The following KLHL1 variants were observed in gnomAD, a reference collection of about 807,000 sequenced individuals.
KLHL1 encodes the protein kelch like family member 1, also known as kelch-like protein 1.
Under a neutral mutation model 77.7 loss-of-function variants are expected in KLHL1, and 47 were observed. The observed-to-expected ratio is 0.60, with a 90% CI of 0.48 to 0.77. KLHL1 has a LOEUF of 0.77. KLHL1 is among the 30% of genes least tolerant of loss of function. The pLI, the probability that KLHL1 is intolerant of heterozygous loss-of-function variation, is 0.00. For missense variants in KLHL1, 925 were observed against 910.8 expected (o/e 1.02, Z -0.20); for synonymous variants, 360 against 325.2 (o/e 1.11, Z -1.15).
At chr13:69,861,954 A>C (rs1463211270) in intron 5 of KLHL1, among the ~76,000 whole-genome samples, 1 of 147,504 alleles carries the variant, frequency 6.8e-6, no homozygotes, top group African/African-American at 2.5e-5. Context: ...AACAAGAGCG[A>C]AACTCCGTCT....
At chr13:69,807,005 C>T (rs1336065865) in intron 6 of KLHL1, among the ~76,000 whole-genome samples, 1 of 152,176 alleles carries the variant, frequency 6.6e-6, no homozygotes, top group Admixed American at 6.5e-5. Flanking sequence ...GGTGCTCTGA[C>T]CCTGTCTAGT....
chr13:69,808,854 G>T (rs1417826719), intron 6 of KLHL1, among the ~76,000 whole-genome samples: 1 of 131,632 alleles, frequency 7.6e-6, no homozygotes, highest in African/African-American at 3.0e-5. Context: ...TGACATAGTT[G>T]TATTGGAAAG....
chr13:70,005,092 A>C (rs1232184559), intron 1 of KLHL1, among the ~76,000 whole-genome samples: 1 of 151,878 alleles, frequency 6.6e-6, no homozygotes, highest in Non-Finnish European at 1.5e-5. Context: ...CAAAAATAAA[A>C]TAGTAAAGAT....
intron 2 of KLHL1, among the ~76,000 whole-genome samples, chr13:69,964,550 A>T (rs1231151432): frequency 1.3e-5 from 2 of 152,128 alleles, no homozygotes; most frequent in East Asian, 1.9e-4. Flanking sequence ...TTTGAAAATT[A>T]TCTGCAAATA....
intron 3 of KLHL1, among the ~76,000 whole-genome samples, chr13:69,941,292 A>G (rs1883358239): frequency 6.6e-6 from 1 of 152,064 alleles, no homozygotes. Context: ...TTAATTCCAA[A>G]AGGAAACCTC....
At chr13:70,065,631 A>G (rs1040534169) in intron 1 of KLHL1, among the ~76,000 whole-genome samples, 1 of 152,224 alleles carries the variant, frequency 6.6e-6, no homozygotes, top group Non-Finnish European at 1.5e-5. Context: ...AGAAAATTTT[A>G]GGGTACAAAA....
intron 6 of KLHL1, among the ~76,000 whole-genome samples, chr13:69,814,359 G>A (rs1878030328): frequency 6.6e-6 from 1 of 151,958 alleles, no homozygotes; most frequent in South Asian, 2.1e-4. Flanking sequence ...GTATTACTAT[G>A]TCCTGAAAAG....
At chr13:69,726,382 C>T (rs2018205) in intron 8 of KLHL1, among the ~76,000 whole-genome samples, 69,854 of 151,844 alleles carry the variant, frequency 0.46, 16,990 homozygotes, top group African/African-American at 0.62. Context: ...ATGAGAAAGC[C>T]TGTCAATCCT....
intron 4 of KLHL1, among the ~76,000 whole-genome samples, chr13:69,924,974 A>C (rs1882765906): frequency 2.0e-5 from 3 of 152,160 alleles, no homozygotes; most frequent in Admixed American, 2.0e-4. Context: ...GGCTGTGCAC[A>C]GTGGCCAGAT....
At chr13:69,945,012 G>A (rs536352361) in intron 3 of KLHL1, among the ~76,000 whole-genome samples, 5 of 114,904 alleles carry the variant, frequency 4.4e-5, no homozygotes, top group Non-Finnish European at 6.6e-5. Context: ...TTCAGATGGA[G>A]TCTCACTTTG....
chr13:70,013,896 C>G (rs1017521807), intron 1 of KLHL1, among the ~76,000 whole-genome samples: 1 of 152,076 alleles, frequency 6.6e-6, no homozygotes, highest in Non-Finnish European at 1.5e-5. Context: ...AGACTCAAAG[C>G]AGTGATTTCT....
intron 5 of KLHL1, among the ~76,000 whole-genome samples, chr13:69,862,706 A>T (rs1880221641): frequency 1.0e-5 from 1 of 98,884 alleles, no homozygotes; most frequent in Non-Finnish European, 2.1e-5. Context: ...GTATTAATGC[A>T]ATAAGACTGA....
intron 1 of KLHL1, among the ~76,000 whole-genome samples, chr13:70,042,803 T>C (rs561284083): frequency 7.9e-5 from 12 of 152,280 alleles, no homozygotes; most frequent in African/African-American, 2.6e-4. Flanking sequence ...GGCATTGCTA[T>C]CCTAGGAGAT....
chr13:69,774,807 T>A (rs144066955), intron 7 of KLHL1, among the ~76,000 whole-genome samples: 1,729 of 152,316 alleles, frequency 0.011, 35 homozygotes, highest in African/African-American at 0.039. Flanking sequence ...TGACTACCTA[T>A]GTGTTATCTT....
intron 7 of KLHL1, among the ~76,000 whole-genome samples, chr13:69,767,752 C>G (rs1875376262): frequency 6.6e-6 from 1 of 152,166 alleles, no homozygotes; most frequent in African/African-American, 2.4e-5. Flanking sequence ...TCATATTCTT[C>G]AGTAGGCTTC....
chr13:69,736,439 G>A (rs939769806), intron 8 of KLHL1, among the ~76,000 whole-genome samples: 1 of 152,090 alleles, frequency 6.6e-6, no homozygotes, highest in Non-Finnish European at 1.5e-5. Context: ...TACACTGCTG[G>A]TGGGAATGTA....
At position 70,100,611 on chromosome 13, in the gene KLHL1, G is replaced by C. The variant is rs546824752; in HGVS notation, c.497+6592C>G. Among the ~76,000 whole-genome samples, 24 of 152,230 alleles carry C rather than the reference G, an allele frequency of 1.6e-4. No individual in the cohort carries two copies. The East Asian group carries it at 4.6e-3, about 29-fold the overall frequency. On this transcript the variant is annotated intron_variant, in intron 1 of 10. Transcript: ENST00000377844. Reference sequence around the variant, plus strand: ...GCCTCCCAAAGTGCTGGAATTACAGGCATCAAGCCTTTTTAGTGCAACAGG... The same window carrying C: ...GCCTCCCAAAGTGCTGGAATTACAGCCATCAAGCCTTTTTAGTGCAACAGG...
chr13:70,044,806 G>A (rs1886456091), intron 1 of KLHL1, among the ~76,000 whole-genome samples: 1 of 152,164 alleles, frequency 6.6e-6, no homozygotes, highest in Non-Finnish European at 1.5e-5. Context: ...AAGAAGAAAT[G>A]TTCCTGCATC....
intron 6 of KLHL1, among the ~76,000 whole-genome samples, chr13:69,824,558 A>G (rs1878468431): frequency 6.6e-6 from 1 of 152,158 alleles, no homozygotes; most frequent in South Asian, 2.1e-4. Flanking sequence ...TAAACAGATT[A>G]CTATTAATTA....
Sources: allele counts gnomAD v4.1 joint callset (sites outside exome capture counted in the v4.1 genomes callset), GRCh38; gene constraint gnomAD v4.1.1; transcripts MANE v1.5; gene names NCBI Gene and HGNC (gene_info 2026-07-23, HGNC 2026-07-21).